CHSY3: variants seen among roughly 807,000 people sequenced by gnomAD.
CHSY3 encodes N-acetylgalactosaminyl-proteoglycan 3-beta-glucuronosyltransferase 3.
A neutral mutation model predicts 67.2 loss-of-function variants in CHSY3; 35 were observed. The ratio of observed to expected loss-of-function variants is 0.52; its 90% CI spans 0.40 to 0.69. CHSY3 has a LOEUF of 0.69. CHSY3 is among the 30% of genes least tolerant of loss of function. The pLI, the probability that CHSY3 is intolerant of heterozygous loss-of-function variation, is 0.00. For missense variants in CHSY3, 1,069 were observed against 1,138.5 expected (o/e 0.94, Z 0.88); for synonymous variants, 474 against 434.7 (o/e 1.09, Z -1.12).
At chr5:130,130,736 G>A (rs149517103) in intron 2 of CHSY3, among the ~76,000 whole-genome samples, 2 of 152,230 alleles carry the variant, frequency 1.3e-5, no homozygotes, top group African/African-American at 2.4e-5. Context: ...TTCCTTTCAT[G>A]TTCCATACTG....
At chr5:129,929,975 A>T (rs1395622517) in intron 2 of CHSY3, among the ~76,000 whole-genome samples, 1 of 152,172 alleles carries the variant, frequency 6.6e-6, no homozygotes, top group Admixed American at 6.5e-5. Context: ...GTACAGTAAA[A>T]ATATCAGGAC....
At chr5:130,080,241 T>C (rs1766404765) in intron 2 of CHSY3, among the ~76,000 whole-genome samples, 1 of 152,030 alleles carries the variant, frequency 6.6e-6, no homozygotes, top group East Asian at 1.9e-4. Context: ...AATACACACT[T>C]TCATTATACC....
Position 129,904,826 on chromosome 5 carries a change from C to T in CHSY3, c.-4C>T, listed in dbSNP as rs1760173958. On this transcript the variant is annotated 5_prime_UTR_variant, in exon 1 of 3. Coordinates refer to ENST00000305031, the MANE Select transcript of CHSY3 (RefSeq NM_175856.5). ...AGCGAGCGTCCGCGCCCGGGACAGC[C>T]GCGATGGCTGTGCGCTCTCGCCGCC... is the stretch of plus-strand genomic sequence containing the variant. The T allele has an allele frequency of 1.4e-6, 2 of 1,418,010 alleles. No individual in the cohort carries two copies. Among genetic ancestry groups the T allele is most frequent in the South Asian group, 1.5e-5 (1 of 68,054 alleles). 87.8% of individuals were successfully genotyped at this position (1,418,010 alleles called of 1,614,324 possible).
At position 130,045,012 on chromosome 5, in the gene CHSY3, C is replaced by G. The variant is rs534401284; in HGVS notation, c.1086+136652C>G. 2.2e-4 allele frequency among the ~76,000 whole-genome samples: 33 copies of G among 152,170 alleles called. No individual in the cohort carries two copies. The South Asian group carries it at 6.2e-3, about 29-fold the overall frequency. ...TGTTTTGTTTTGTTTTGCTTTGAGA[C>G]AGGGTCTCACTCTGTTGCCCATGCT... On this transcript the variant is annotated intron_variant, in intron 2 of 2. Transcript: ENST00000305031.
chr5:130,019,602 T>C (rs1239059627), intron 2 of CHSY3, among the ~76,000 whole-genome samples: 2 of 152,242 alleles, frequency 1.3e-5, no homozygotes, highest in Non-Finnish European at 2.9e-5. Flanking sequence ...TTAGTCTCTC[T>C]GGTTTTTAAG....
chr5:129,946,445 G>C (rs1761857053), intron 2 of CHSY3, among the ~76,000 whole-genome samples: 1 of 152,110 alleles, frequency 6.6e-6, no homozygotes, highest in African/African-American at 2.4e-5. Flanking sequence ...TTAAGCGACT[G>C]TTTTGTTTGG....
At chr5:129,951,013 A>C (rs1335626944) in intron 2 of CHSY3, among the ~76,000 whole-genome samples, 2 of 152,192 alleles carry the variant, frequency 1.3e-5, no homozygotes, top group Non-Finnish European at 2.9e-5. Context: ...TATAGTACTC[A>C]AAACAGTGTA....
chr5:129,984,861 A>T (rs1430300136), intron 2 of CHSY3, among the ~76,000 whole-genome samples: 1 of 151,988 alleles, frequency 6.6e-6, no homozygotes, highest in Non-Finnish European at 1.5e-5. Flanking sequence ...CCCATCTTAT[A>T]AAGTGGTTGT....
intron 2 of CHSY3, among the ~76,000 whole-genome samples, chr5:130,173,247 A>C (rs1769947567): frequency 6.6e-6 from 1 of 152,164 alleles, no homozygotes; most frequent in African/African-American, 2.4e-5. Flanking sequence ...AAAAAGAGAG[A>C]GAGACAAGAG....
chr5:129,977,539 A>G (rs945624045), intron 2 of CHSY3, among the ~76,000 whole-genome samples: 1 of 152,210 alleles, frequency 6.6e-6, no homozygotes, highest in African/African-American at 2.4e-5. Flanking sequence ...TTTAAGATGT[A>G]GGAAGATAAT....
rs751483575 is a variant in CHSY3, at chr5:130,185,085, C to G, written c.1943C>G (p.Pro648Arg). The change falls in exon 3 of 3, where the codon CCA becomes CGA. Residue 648 changes from proline to arginine, a missense_variant. Transcript: ENST00000305031. ...MENFENMCLI[P>R]KQNVKLVIIL... ...AACTTTGAAAACATGTGTCTTATCC[C>G]AAAGCAGAATGTAAAGTTGGTCATT... 3.1e-6 allele frequency: 5 copies of G among 1,602,916 alleles called. No individual in the cohort carries two copies. The highest frequency in any genetic ancestry group is 3.3e-5 in the Admixed American group (2 of 59,976).
At chr5:129,917,833 C>T (rs1244097324) in intron 2 of CHSY3, among the ~76,000 whole-genome samples, 1 of 152,096 alleles carries the variant, frequency 6.6e-6, no homozygotes, top group Non-Finnish European at 1.5e-5. Context: ...ACCCTTCATC[C>T]GTTATGTCAA....
intron 2 of CHSY3, among the ~76,000 whole-genome samples, chr5:130,095,434 A>G (rs754786121): frequency 3.4e-4 from 51 of 152,216 alleles, no homozygotes; most frequent in Non-Finnish European, 6.6e-4. Context: ...TAGTGAAAGG[A>G]GCACAGAGCC....
At chr5:129,963,766 G>A (rs935932042) in intron 2 of CHSY3, among the ~76,000 whole-genome samples, 1 of 151,530 alleles carries the variant, frequency 6.6e-6, no homozygotes, top group Non-Finnish European at 1.5e-5. Context: ...AATTGGTTTG[G>A]CTAATCTTGG....
intron 2 of CHSY3, among the ~76,000 whole-genome samples, chr5:130,027,941 T>C (rs1486154873): frequency 6.6e-6 from 1 of 152,220 alleles, no homozygotes; most frequent in Non-Finnish European, 1.5e-5. Flanking sequence ...TATGTGTGCA[T>C]GTGCTTTTAT....
chr5:129,965,524 G>T (rs1332413184), intron 2 of CHSY3, among the ~76,000 whole-genome samples: 1 of 151,830 alleles, frequency 6.6e-6, no homozygotes, highest in Non-Finnish European at 1.5e-5. Context: ...TTTTGGTGCT[G>T]CAGTGCACCT....
At chr5:129,953,128 CT>C (rs1762071084) in intron 2 of CHSY3, among the ~76,000 whole-genome samples, 1 of 152,144 alleles carries the variant, frequency 6.6e-6, no homozygotes, top group African/African-American at 2.4e-5. Context: ...TATCCCTCCC[CT>C]ATCCCCCTAC....
intron 2 of CHSY3, among the ~76,000 whole-genome samples, chr5:130,076,005 A>G (rs1204482942): frequency 1.3e-5 from 2 of 152,122 alleles, no homozygotes; most frequent in African/African-American, 2.4e-5. Context: ...TGCATACTCA[A>G]ATCCATAGGA....
intron 2 of CHSY3, among the ~76,000 whole-genome samples, chr5:130,018,863 G>A (rs1764284993): frequency 6.6e-6 from 1 of 152,106 alleles, no homozygotes; most frequent in Admixed American, 6.5e-5. Flanking sequence ...TACTGGCTCA[G>A]TTCTCGAGTG....
Sources: gnomAD v4.1 joint callset for allele counts (sites outside exome capture counted in the v4.1 genomes callset) on GRCh38, gnomAD v4.1.1 for gene constraint, MANE v1.5 for transcripts, NCBI Gene and HGNC (gene_info 2026-07-23, HGNC 2026-07-21) for gene names.